JCAD: variants seen among roughly 807,000 people sequenced by gnomAD.
JCAD encodes the protein junctional cadherin 5-associated protein.
In JCAD, 40 loss-of-function variants were observed where a neutral mutation model predicts 98.0. The ratio of observed to expected loss-of-function variants is 0.41; its 90% CI spans 0.32 to 0.53. JCAD has a LOEUF of 0.53. JCAD is among the 20% of genes least tolerant of loss of function. The pLI is 0.31. For synonymous variants in JCAD, 691 were observed against 682.3 expected (o/e 1.01, Z -0.20); for missense variants, 1,705 against 1,738.1 (o/e 0.98, Z 0.34).
intron 1 of JCAD, among the ~76,000 whole-genome samples, chr10:30,087,728 A>G (rs1838188874): frequency 6.6e-6 from 1 of 152,186 alleles, no homozygotes; most frequent in South Asian, 2.1e-4. Context: ...GCCCAACTCA[A>G]CTGATTTTGA....
chr10:30,109,706 G>A (rs999355087), intron 1 of JCAD, among the ~76,000 whole-genome samples: 17 of 152,204 alleles, frequency 1.1e-4, no homozygotes, highest in African/African-American at 3.9e-4. Context: ...TGGCAGCATC[G>A]GCGGGATGTG....
In JCAD at chr10:30,027,606, T is replaced by C. The variant is rs1190386545; in HGVS notation, c.2542A>G (p.Ser848Gly). 6.2e-7 allele frequency: 1 copy of C among 1,614,152 alleles called. No individual in the cohort carries two copies. The highest frequency in any genetic ancestry group is 2.2e-5 in the East Asian group (1 of 44,900). Reference sequence around the variant, plus strand: ...CTGCTGCTGCTGCTGCTACTGCTGCTTTCTTCCTCTTCCTGGAGCTCCTTG... The same window carrying C: ...CTGCTGCTGCTGCTGCTACTGCTGCCTTCTTCCTCTTCCTGGAGCTCCTTG... Reference protein sequence around the residue: ...FNKELQEEEESSSSSSSSSSS... With the variant: ...FNKELQEEEEGSSSSSSSSSS... Residue 848 changes from serine to glycine, a missense_variant, in exon 3 of 4, where the codon AGC becomes GGC. This residue lies in a region of JCAD where 1,278 missense variants were observed against 1,243.1 expected (regional missense o/e 1.03). Coordinates refer to ENST00000375377, the MANE Select transcript of JCAD (RefSeq NM_020848.4).
At chr10:30,113,635 A>C (rs184544647) in intron 1 of JCAD, among the ~76,000 whole-genome samples, 61 of 149,334 alleles carry the variant, frequency 4.1e-4, no homozygotes, top group African/African-American at 1.4e-3. Flanking sequence ...AGCAGCATTC[A>C]TCAGAACCTG....
At chr10:30,038,058 G>T (rs1284612821) in intron 2 of JCAD, among the ~76,000 whole-genome samples, 13 of 151,928 alleles carry the variant, frequency 8.6e-5, no homozygotes, top group Non-Finnish European at 1.0e-4. Flanking sequence ...CTCTTTTGTG[G>T]TTGCCAGCAG....
chr10:30,048,719 C>A (rs1286088511), intron 1 of JCAD, among the ~76,000 whole-genome samples: 1 of 152,120 alleles, frequency 6.6e-6, no homozygotes, highest in Non-Finnish European at 1.5e-5. Flanking sequence ...GCATATGCCA[C>A]CACGCCTGGC....
intron 1 of JCAD, among the ~76,000 whole-genome samples, chr10:30,099,973 AC>A (rs1332039904): frequency 6.6e-6 from 1 of 151,608 alleles, no homozygotes; most frequent in African/African-American, 2.4e-5. Flanking sequence ...CCACCAAACC[AC>A]TCACCCAGTC....
intron 2 of JCAD, among the ~76,000 whole-genome samples, chr10:30,041,409 C>T (rs974441644): frequency 6.6e-6 from 1 of 152,156 alleles, no homozygotes; most frequent in Non-Finnish European, 1.5e-5. Flanking sequence ...GAAAGAGGAA[C>T]ATAGAAACAG....
At chr10:30,090,564 AGAGGG>A (rs554794853) in intron 1 of JCAD, among the ~76,000 whole-genome samples, 8 of 106,050 alleles carry the variant, frequency 7.5e-5, no homozygotes, top group South Asian at 7.3e-4. Context: ...AAAGGAGAGG[AGAGGG>A]GAGGGGAGGG....
chr10:30,073,015 G>A (rs1036569511), intron 1 of JCAD, among the ~76,000 whole-genome samples: 5 of 152,194 alleles, frequency 3.3e-5, no homozygotes, highest in African/African-American at 1.2e-4. Context: ...ACTTTACAGG[G>A]ACAGGCTCTC....
intron 1 of JCAD, among the ~76,000 whole-genome samples, chr10:30,085,686 G>A (rs752085335): frequency 6.2e-4 from 95 of 152,196 alleles, no homozygotes; most frequent in Non-Finnish European, 1.1e-3. Flanking sequence ...GAGATGGGGA[G>A]TGATAGGTTG....
intron 1 of JCAD, 29 bp from the exon 2 acceptor site, chr10:30,047,900 G>T: frequency 7.0e-7 from 1 of 1,418,560 alleles, no homozygotes. Flanking sequence ...CTCTATTTGT[G>T]ACTAGGTCTC....
intron 1 of JCAD, among the ~76,000 whole-genome samples, chr10:30,080,621 T>G (rs1025824303): frequency 6.6e-6 from 1 of 152,144 alleles, no homozygotes; most frequent in African/African-American, 2.4e-5. Context: ...CTTCCTACAT[T>G]TAAGTTCCCA....
intron 2 of JCAD, among the ~76,000 whole-genome samples, chr10:30,040,777 C>G (rs1401772288): frequency 1.3e-5 from 2 of 152,178 alleles, no homozygotes; most frequent in Admixed American, 1.3e-4. Flanking sequence ...CACAACCTGT[C>G]CTTTGTCGAG....
At chr10:30,046,422 G>A (rs534138655) in intron 2 of JCAD, among the ~76,000 whole-genome samples, 14 of 152,304 alleles carry the variant, frequency 9.2e-5, no homozygotes, top group African/African-American at 3.1e-4. Context: ...TAGGGCCAGT[G>A]TGCGTGCAAG....
intron 1 of JCAD, among the ~76,000 whole-genome samples, chr10:30,105,358 C>CTT (rs201535105): frequency 4.2e-5 from 6 of 143,618 alleles, no homozygotes; most frequent in South Asian, 2.2e-4. Context: ...TTCTTTCTTT[C>CTT]TTTTTTTTTT....
At chr10:30,077,762 G>C (rs184198962) in intron 1 of JCAD, among the ~76,000 whole-genome samples, 2 of 152,086 alleles carry the variant, frequency 1.3e-5, no homozygotes, top group South Asian at 2.1e-4. Context: ...TCACTCCTTC[G>C]TAAGGCTGAA....
intron 1 of JCAD, among the ~76,000 whole-genome samples, chr10:30,112,567 A>T (rs1838722878): frequency 6.6e-6 from 1 of 152,154 alleles, no homozygotes; most frequent in Non-Finnish European, 1.5e-5. Flanking sequence ...ATAATGTATG[A>T]TTTCATTTAT....
At position 30,047,851 on chromosome 10, in the gene JCAD, T is replaced by C. The variant is rs1367059467; in HGVS notation, c.-39A>G. On this transcript the variant is annotated 5_prime_UTR_variant, in exon 2 of 4. The change abolishes an upstream ATG in the 5' untranslated region. Transcript: ENST00000375377. ...CAGCAAAGCTCAACCACTGGAACCA[T>C]GGTGGTGGCAGGACCCAGCACTGCA... 13 of 1,569,320 alleles carry C rather than the reference T, an allele frequency of 8.3e-6. No homozygotes were observed. The highest frequency in any genetic ancestry group is 2.2e-5 in the East Asian group (1 of 44,482).
intron 1 of JCAD, among the ~76,000 whole-genome samples, chr10:30,088,361 A>T (rs530814438): frequency 3.9e-5 from 6 of 152,188 alleles, no homozygotes; most frequent in Admixed American, 3.3e-4. Context: ...GTTCCAGAAC[A>T]CACCCCTGTT....
Sources: gnomAD v4.1 joint callset for allele counts (sites outside exome capture counted in the v4.1 genomes callset) on GRCh38, gnomAD v4.1.1 for gene constraint, gnomAD v4.1.1 regional missense constraint, MANE v1.5 for transcripts, NCBI Gene and HGNC (gene_info 2026-07-23, HGNC 2026-07-21) for gene names.